The following COMMD4 variants were observed in gnomAD, a reference collection of about 807,000 sequenced individuals.
COMMD4 encodes the protein COMM domain-containing protein 4.
In COMMD4, 18 loss-of-function variants were observed where a neutral mutation model predicts 27.5. The observed-to-expected ratio is 0.65, with a 90% CI of 0.45 to 0.97. The LOEUF is 0.97. Among genes scored for constraint, COMMD4 ranks in the 50% least tolerant of loss-of-function variants. COMMD4 has a pLI of 0.00. For missense variants in COMMD4, 243 were observed against 250.0 expected (o/e 0.97, Z 0.19); for synonymous variants, 108 against 108.4 (o/e 1.00, Z 0.02).
chr15:75,339,697 C>A lies in COMMD4; in HGVS notation c.383-5C>A. ...ATCCTGAGAGCCACCCACCCCATCT[C>A]ACAGTGAATAGGTTGGCAGGTGTGG... On this transcript the variant is annotated splice_polypyrimidine_tract_variant and splice_region_variant and intron_variant, in intron 6 of 7. Transcript: ENST00000267935. The A allele has an allele frequency of 6.3e-7, 1 of 1,579,820 alleles. No homozygotes were observed.
intron 2 of COMMD4, 34 bp from the exon 3 acceptor site, chr15:75,338,321 G>A (rs775759141): frequency 2.5e-5 from 39 of 1,557,276 alleles, no homozygotes; most frequent in Non-Finnish European, 3.1e-5. Context: ...GGTGAGGTTT[G>A]CCAGCCTGGC....
At chr15:75,339,933 GCCTCCCA>G in intron 7 of COMMD4, 25 bp from the exon 8 acceptor site, 1 of 1,614,104 alleles carries the variant, frequency 6.2e-7, no homozygotes, top group Non-Finnish European at 8.5e-7. Context: ...CCGCCTGACT[GCCTCCCA>G]CCTGCCCACC....
At chr15:75,336,721 C>G (rs1485456193) in intron 1 of COMMD4, 2 of 153,996 alleles carry the variant, frequency 1.3e-5, no homozygotes, top group African/African-American at 2.4e-5. Context: ...GGGCAGAGAC[C>G]TAACTGCGCC....
At chr15:75,340,324 AAC>A (rs1392461374), downstream of COMMD4, 1 of 351,502 alleles carries the variant, frequency 2.8e-6, no homozygotes, top group South Asian at 6.9e-5. Context: ...TTGTGAGAGA[AAC>A]ACAAGTGACA....
chr15:75,336,462 G>T, intron 1 of COMMD4: 1 of 545,302 alleles, frequency 1.8e-6, no homozygotes, highest in South Asian at 2.8e-5. Context: ...CTGCCGTGGG[G>T]CTTGTACAAG....
intron 4 of COMMD4, 68 bp downstream of exon 4, chr15:75,338,753 G>A (rs770323768): frequency 1.9e-6 from 3 of 1,554,188 alleles, no homozygotes; most frequent in Admixed American, 1.8e-5. Flanking sequence ...CTGGTACAGA[G>A]GGGCCCCCCA....
Position 75,339,288 on chromosome 15 carries a change from G to C in COMMD4, c.326G>C (p.Cys109Ser). Reference sequence around the variant, plus strand: ...GAGCACGCGGCCAGCCTGTGCCGCTGTTATGAGGAGAAGCAAAGCCCCTTG... The same window carrying C: ...GAGCACGCGGCCAGCCTGTGCCGCTCTTATGAGGAGAAGCAAAGCCCCTTG... ...PKEHAASLCRCYEEKQSPLQK... is the reference protein window; with the variant it reads ...PKEHAASLCRSYEEKQSPLQK... The change falls in exon 6 of 8, where the codon TGT becomes TCT. Residue 109 changes from cysteine (C) to serine (S), a missense_variant. Coordinates refer to ENST00000267935, the MANE Select transcript of COMMD4 (RefSeq NM_017828.5). The C allele has an allele frequency of 6.2e-7, 1 of 1,612,218 alleles. No individual in the cohort carries two copies. Among genetic ancestry groups the C allele is most frequent in the African/African-American group, 1.3e-5 (1 of 75,000 alleles).
downstream of COMMD4, among the ~76,000 whole-genome samples, chr15:75,340,475 G>A (rs550877446): frequency 6.6e-6 from 1 of 152,264 alleles, no homozygotes; most frequent in South Asian, 2.1e-4. Flanking sequence ...CCCAGATCTG[G>A]GATGCTCTTG....
At chr15:75,337,007 G>C (rs1348290881) in intron 1 of COMMD4, 1 of 152,242 alleles carries the variant, frequency 6.6e-6, no homozygotes, top group African/African-American at 2.4e-5. Flanking sequence ...AATCTTCCTG[G>C]CTCTTGGATC....
chr15:75,338,752 A>AGG, intron 4 of COMMD4, 67 bp downstream of exon 4: 1 of 1,555,988 alleles, frequency 6.4e-7, no homozygotes, highest in Non-Finnish European at 8.8e-7. Context: ...CCTGGTACAG[A>AGG]GGGGCCCCCC....
downstream of COMMD4, chr15:75,341,787 C>G (rs2071430254): frequency 6.6e-6 from 1 of 152,150 alleles, no homozygotes; most frequent in Non-Finnish European, 1.5e-5. Context: ...AAAAAATAAT[C>G]ACTAAAGGCC....
chr15:75,336,250 T>C (rs2071176816), intron 1 of COMMD4, 158 bp downstream of exon 1: 3 of 1,516,070 alleles, frequency 2.0e-6, no homozygotes, highest in East Asian at 2.5e-5. Context: ...AGTCCACCAC[T>C]CTCCCGCTCC....
chr15:75,336,115 A>T (rs1442567940), intron 1 of COMMD4, 23 bp downstream of exon 1: 59 of 1,549,546 alleles, frequency 3.8e-5, no homozygotes, highest in Non-Finnish European at 5.1e-5. Flanking sequence ...GGGCGAAGCG[A>T]GGCTTGGGCT....
At chr15:75,342,697 G>A (rs1442574416), downstream of COMMD4, 7 of 152,212 alleles carry the variant, frequency 4.6e-5, no homozygotes, top group African/African-American at 1.7e-4. Context: ...GCCCAGCGTG[G>A]TGACCAGTTA....
rs114064595 is a variant in COMMD4 at position 75,336,073 on chromosome 15, C to T, written c.-17C>T. On this transcript the variant is annotated 5_prime_UTR_variant, in exon 1 of 8. Transcript: ENST00000267935. ...GGACCGGAAAAAGAAATTCCCGGGC[C>T]CTGGCTTCTTGGCGCGATGGTGAGG... 50,740 of 1,549,692 alleles carry T rather than the reference C, an allele frequency of 0.033. 944 individuals carry two copies. Among genetic ancestry groups the T allele is most frequent in the Non-Finnish European group, 0.036 (41,805 of 1,146,806 alleles).
intron 5 of COMMD4, 55 bp downstream of exon 5, chr15:75,339,159 A>G (rs929761118): frequency 2.0e-5 from 33 of 1,612,118 alleles, no homozygotes; most frequent in African/African-American, 2.0e-4. Flanking sequence ...CTGCTAGAGA[A>G]GGGGACAGGC....
intron 3 of COMMD4, 64 bp from the exon 4 acceptor site, chr15:75,338,582 G>T: frequency 1.2e-6 from 2 of 1,601,616 alleles, no homozygotes; most frequent in South Asian, 1.1e-5. Context: ...GCAGGATCCA[G>T]GCTGGGGGTG....
chr15:75,342,430 T>A (rs2071435686), downstream of COMMD4: 1 of 152,060 alleles, frequency 6.6e-6, no homozygotes, highest in Admixed American at 6.6e-5. Context: ...TTCCAGCACT[T>A]GGGAGGTTGA....
chr15:75,336,264 G>A, intron 1 of COMMD4, 172 bp downstream of exon 1: 3 of 1,506,250 alleles, frequency 2.0e-6, no homozygotes, highest in Non-Finnish European at 2.7e-6. Context: ...CCGCTCCCGA[G>A]ACGGGGGCGG....
Sources: allele counts gnomAD v4.1 joint callset (sites outside exome capture counted in the v4.1 genomes callset), GRCh38; gene constraint gnomAD v4.1.1; transcripts MANE v1.5; gene names NCBI Gene and HGNC (gene_info 2026-07-23, HGNC 2026-07-21).